Variants in GRIA1 observed in about 807,000 individuals in gnomAD.
GRIA1 encodes the protein glutamate ionotropic receptor AMPA type subunit 1, also known as glutamate receptor 1.
Under a neutral mutation model 99.2 loss-of-function variants are expected in GRIA1, and 31 were observed. That is an observed-to-expected ratio of 0.31 (90% CI 0.23 to 0.42). The LOEUF is 0.42. Among genes scored for constraint, GRIA1 ranks in the 10% least tolerant of loss-of-function variants. GRIA1 has a pLI of 1.00. For missense variants in GRIA1, 782 were observed against 1,157.5 expected, an observed-to-expected ratio of 0.68 and a Z score of 4.71; for synonymous variants, 438 against 432.4, an observed-to-expected ratio of 1.01 and a Z score of -0.16.
intron 2 of GRIA1, among the ~76,000 whole-genome samples, chr5:153,522,699 C>T (rs1047181665): frequency 3.9e-5 from 6 of 152,130 alleles, no homozygotes. Flanking sequence ...GGCTCTAAAG[C>T]CTTATTCCCA....
chr5:153,563,305 C>A (rs1490810449), intron 2 of GRIA1, among the ~76,000 whole-genome samples: 1 of 152,152 alleles, frequency 6.6e-6, no homozygotes, highest in Non-Finnish European at 1.5e-5. Context: ...TATTTTCCAG[C>A]CCACGAGCCC....
chr5:153,650,303 T>C, intron 3 of GRIA1, 27 bp from the exon 4 acceptor site: 1 of 1,600,058 alleles, frequency 6.2e-7, no homozygotes, highest in Non-Finnish European at 8.5e-7. Context: ...CTGTCTGTCA[T>C]TTCTCTTCTA....
intron 2 of GRIA1, among the ~76,000 whole-genome samples, chr5:153,589,805 G>A (rs183928314): frequency 6.6e-6 from 1 of 152,072 alleles, no homozygotes; most frequent in Non-Finnish European, 1.5e-5. Flanking sequence ...GTAAAATAAT[G>A]CTGGGTGAGG....
intron 2 of GRIA1, among the ~76,000 whole-genome samples, chr5:153,571,259 T>C (rs1273828419): frequency 6.6e-6 from 1 of 152,160 alleles, no homozygotes; most frequent in Non-Finnish European, 1.5e-5. Flanking sequence ...GAGTCACTAA[T>C]TACACAGTAC....
At chr5:153,640,432 A>G (rs1753705187) in intron 2 of GRIA1, among the ~76,000 whole-genome samples, 1 of 152,212 alleles carries the variant, frequency 6.6e-6, no homozygotes, top group African/African-American at 2.4e-5. Flanking sequence ...GCCCTTGGCA[A>G]CCTAGTCCCC....
chr5:153,575,649 A>T (rs1400146404), intron 2 of GRIA1, among the ~76,000 whole-genome samples: 1 of 152,302 alleles, frequency 6.6e-6, no homozygotes, highest in Non-Finnish European at 1.5e-5. Context: ...ACTCGAAGTC[A>T]CAGCTAGACT....
intron 13 of GRIA1, among the ~76,000 whole-genome samples, chr5:153,792,383 G>C (rs1219381951): frequency 6.6e-6 from 1 of 152,192 alleles, no homozygotes; most frequent in Non-Finnish European, 1.5e-5. Context: ...TGGTCTTATA[G>C]TTCACAGCAA....
chr5:153,552,182 C>T (rs568589932), intron 2 of GRIA1, among the ~76,000 whole-genome samples: 11 of 150,874 alleles, frequency 7.3e-5, no homozygotes, highest in African/African-American at 2.0e-4. Flanking sequence ...ATTGACTTTG[C>T]GATCAACATT....
intron 2 of GRIA1, among the ~76,000 whole-genome samples, chr5:153,582,132 C>T (rs1313390825): frequency 6.6e-6 from 1 of 152,176 alleles, no homozygotes; most frequent in Non-Finnish European, 1.5e-5. Flanking sequence ...CAGAATAGAT[C>T]TATTATCCAA....
At chr5:153,571,591 G>A (rs950950557) in intron 2 of GRIA1, among the ~76,000 whole-genome samples, 31 of 152,090 alleles carry the variant, frequency 2.0e-4, no homozygotes, top group African/African-American at 7.2e-4. Context: ...ATCAGGTGGT[G>A]GGCTAGACTT....
At chr5:153,604,699 A>G (rs11746037) in intron 2 of GRIA1, among the ~76,000 whole-genome samples, 11,380 of 152,198 alleles carry the variant, frequency 0.075, 562 homozygotes, top group Non-Finnish European at 0.11. Context: ...TTAGAGTTTA[A>G]TTTTGTCTAC....
At chr5:153,704,840 C>T (rs1166034963) in intron 10 of GRIA1, among the ~76,000 whole-genome samples, 1 of 152,192 alleles carries the variant, frequency 6.6e-6, no homozygotes, top group Non-Finnish European at 1.5e-5. Context: ...ACACATACCC[C>T]TTCCACCTTG....
intron 11 of GRIA1, among the ~76,000 whole-genome samples, chr5:153,735,068 AATAT>A (rs1188761151): frequency 6.6e-6 from 1 of 152,176 alleles, no homozygotes; most frequent in Non-Finnish European, 1.5e-5. Flanking sequence ...AACACCCTGC[AATAT>A]ACATGACAGG....
At chr5:153,494,266 G>A (rs980741030) in intron 2 of GRIA1, 6 of 565,680 alleles carry the variant, frequency 1.1e-5, no homozygotes, top group Non-Finnish European at 1.9e-5. Context: ...TTCATGTAAT[G>A]GATTTGCTTT....
chr5:153,652,489 C>G (rs1260735314), intron 4 of GRIA1, among the ~76,000 whole-genome samples: 2 of 152,154 alleles, frequency 1.3e-5, no homozygotes, highest in East Asian at 3.9e-4. Context: ...CAACATCTCA[C>G]AGCTAGCATA....
At chr5:153,726,240 A>G (rs926184448) in intron 11 of GRIA1, among the ~76,000 whole-genome samples, 11 of 149,860 alleles carry the variant, frequency 7.3e-5, no homozygotes, top group Admixed American at 4.7e-4. Context: ...CATTCAAAGC[A>G]GTGTGTAGAG....
intron 5 of GRIA1, among the ~76,000 whole-genome samples, chr5:153,671,884 C>T (rs1365582614): frequency 6.6e-6 from 1 of 152,130 alleles, no homozygotes; most frequent in African/African-American, 2.4e-5. Context: ...CATGAGTAAA[C>T]AAGATAATCT....
intron 2 of GRIA1, among the ~76,000 whole-genome samples, chr5:153,635,087 A>T (rs1753251524): frequency 6.6e-6 from 1 of 152,218 alleles, no homozygotes; most frequent in African/African-American, 2.4e-5. Context: ...ATGCTGATCA[A>T]GTTCATGGGT....
At chr5:153,778,082 G>A (rs1258250442) in intron 13 of GRIA1, among the ~76,000 whole-genome samples, 1 of 152,108 alleles carries the variant, frequency 6.6e-6, no homozygotes, top group Non-Finnish European at 1.5e-5. Flanking sequence ...GAGGAAATGG[G>A]GGGATAAAAG....
Sources: allele counts gnomAD v4.1 joint callset (sites outside exome capture counted in the v4.1 genomes callset), GRCh38; gene constraint gnomAD v4.1.1; transcripts MANE v1.5; gene names NCBI Gene and HGNC (gene_info 2026-07-23, HGNC 2026-07-21).